TDRD3: variants seen among roughly 807,000 people sequenced by gnomAD.
TDRD3 encodes tudor domain-containing protein 3.
A neutral mutation model predicts 86.7 loss-of-function variants in TDRD3; 45 were observed. That is an observed-to-expected ratio of 0.52 (90% CI 0.41 to 0.67). The LOEUF (loss-of-function observed/expected upper bound fraction) is 0.67, where lower values mean the gene tolerates loss of function less well. Ranked by LOEUF, TDRD3 falls within the 30% of genes least tolerant of loss-of-function variation. TDRD3 has a pLI of 0.00. For synonymous variants in TDRD3, 298 were observed against 301.7 expected (o/e 0.99, Z 0.13); for missense variants, 814 against 889.0 (o/e 0.92, Z 1.07).
intron 12 of TDRD3, among the ~76,000 whole-genome samples, chr13:60,559,902 T>C (rs9538745): frequency 0.42 from 63,725 of 151,684 alleles, 13,936 homozygotes; most frequent in South Asian, 0.54. Context: ...TCCACAAAAA[T>C]GGAGAAAGAA....
chr13:60,464,573 C>G (rs1356075378), intron 4 of TDRD3, among the ~76,000 whole-genome samples: 1 of 148,248 alleles, frequency 6.7e-6, no homozygotes, highest in Non-Finnish European at 1.5e-5. Context: ...TATACACATA[C>G]ACACACACAC....
intron 8 of TDRD3, among the ~76,000 whole-genome samples, chr13:60,506,683 G>A (rs933157079): frequency 6.6e-6 from 1 of 152,136 alleles, no homozygotes; most frequent in Admixed American, 6.5e-5. Flanking sequence ...CTGGAACCTG[G>A]GAGGCGGAGT....
chr13:60,521,352 C>G (rs976077624), intron 10 of TDRD3, among the ~76,000 whole-genome samples: 4 of 152,022 alleles, frequency 2.6e-5, no homozygotes, highest in Non-Finnish European at 5.9e-5. Flanking sequence ...TGAGTGCCAC[C>G]TATTTGCCTG....
intron 1 of TDRD3, among the ~76,000 whole-genome samples, chr13:60,412,802 C>G (rs561825357): frequency 9.9e-5 from 15 of 152,080 alleles, no homozygotes; most frequent in Middle Eastern, 3.4e-3. Context: ...TTTACCTTAT[C>G]GCAGTAGCTT....
At chr13:60,509,597 T>C (rs1202420351) in intron 8 of TDRD3, 166 bp from the exon 9 acceptor site, 8 of 826,498 alleles carry the variant, frequency 9.7e-6, no homozygotes, top group Non-Finnish European at 1.5e-5. Flanking sequence ...TCATACAGAT[T>C]CTTCCTTGCC....
At chr13:60,515,648 C>T (rs576355356) in intron 10 of TDRD3, among the ~76,000 whole-genome samples, 1 of 152,306 alleles carries the variant, frequency 6.6e-6, no homozygotes, top group East Asian at 1.9e-4. Context: ...TTGACCTGCT[C>T]ACACTACTCA....
At chr13:60,538,016 T>C (rs1957735106) in intron 12 of TDRD3, 1 of 152,022 alleles carries the variant, frequency 6.6e-6, no homozygotes, top group Admixed American at 6.6e-5. Context: ...GCATGATATA[T>C]GAAGTGACTC....
At chr13:60,441,642 G>T (rs1043734259) in intron 2 of TDRD3, among the ~76,000 whole-genome samples, 2 of 152,076 alleles carry the variant, frequency 1.3e-5, no homozygotes, top group Non-Finnish European at 2.9e-5. Flanking sequence ...ACCACGAGTT[G>T]AGAAAGACGT....
intron 3 of TDRD3, among the ~76,000 whole-genome samples, chr13:60,446,295 T>C (rs886783815): frequency 6.6e-6 from 1 of 152,148 alleles, no homozygotes; most frequent in African/African-American, 2.4e-5. Context: ...TGATCTCAGC[T>C]CACTGCAACC....
intron 12 of TDRD3, among the ~76,000 whole-genome samples, chr13:60,549,789 AT>A (rs924522686): frequency 6.6e-6 from 1 of 151,970 alleles, no homozygotes; most frequent in Non-Finnish European, 1.5e-5. Context: ...ATGAAAAGCA[AT>A]TTTTCTAACA....
chr13:60,569,219 T>C (rs983373025), intron 13 of TDRD3, among the ~76,000 whole-genome samples: 2 of 152,168 alleles, frequency 1.3e-5, no homozygotes, highest in African/African-American at 4.8e-5. Flanking sequence ...TCTGCCTGCC[T>C]CAGCCTCCCA....
At chr13:60,520,270 G>A (rs1331466190) in intron 10 of TDRD3, among the ~76,000 whole-genome samples, 1 of 152,060 alleles carries the variant, frequency 6.6e-6, no homozygotes, top group African/African-American at 2.4e-5. Flanking sequence ...GTTAATTCTT[G>A]TGATCATTTT....
chr13:60,486,650 A>G (rs559674981), intron 7 of TDRD3, among the ~76,000 whole-genome samples: 13 of 152,326 alleles, frequency 8.5e-5, no homozygotes, highest in South Asian at 2.1e-4. Flanking sequence ...ATTTTGAAAT[A>G]TACAATAAAT....
At chr13:60,399,017 C>G (rs538004235) in intron 1 of TDRD3, among the ~76,000 whole-genome samples, 1 of 152,172 alleles carries the variant, frequency 6.6e-6, no homozygotes, top group African/African-American at 2.4e-5. Context: ...CATGACCCCC[C>G]CTCCTTTGGA....
intron 12 of TDRD3, among the ~76,000 whole-genome samples, chr13:60,565,952 T>G (rs1461650146): frequency 6.6e-6 from 1 of 152,206 alleles, no homozygotes; most frequent in Non-Finnish European, 1.5e-5. Context: ...TGAGATTGAT[T>G]GTTAATGAAA....
chr13:60,547,589 A>G (rs1266745593), intron 12 of TDRD3: 2 of 168,214 alleles, frequency 1.2e-5, no homozygotes, highest in Admixed American at 6.5e-5. Context: ...CCCAAGAGCT[A>G]TAGAAATATA....
chr13:60,458,154 T>A (rs1374490947), intron 3 of TDRD3, among the ~76,000 whole-genome samples: 1 of 152,180 alleles, frequency 6.6e-6, no homozygotes, highest in African/African-American at 2.4e-5. Context: ...CTCCTTATCC[T>A]TCATTCCCCA....
rs1342399685 is a variant in TDRD3, at chr13:60,467,331, T to C, written c.447T>C (p.Val149=). 4 of 1,613,808 alleles carry C rather than the reference T, an allele frequency of 2.5e-6. No individual in the cohort carries two copies. In the African/African-American group the frequency reaches 5.3e-5, roughly 22 times the overall value. The change falls in exon 5 of 14, where the codon GTT becomes GTC. Residue 149 remains valine, a synonymous_variant. Coordinates refer to ENST00000377881, the MANE Select transcript of TDRD3 (RefSeq NM_001146070.2). ...TCTTGAATGACTCTAACACCACAGT[T>C]CTTGGTGGTGAAGTGGAACACCTTA... ...FLLLNDSNTT[V]LGGEVEHLIE...
intron 1 of TDRD3, among the ~76,000 whole-genome samples, chr13:60,424,257 G>A (rs977746956): frequency 7.2e-5 from 11 of 151,976 alleles, no homozygotes; most frequent in Non-Finnish European, 1.5e-4. Context: ...TCCTGACCTC[G>A]TGATCCACCC....
Sources: allele counts gnomAD v4.1 joint callset (sites outside exome capture counted in the v4.1 genomes callset), GRCh38; gene constraint gnomAD v4.1.1; transcripts MANE v1.5; gene names NCBI Gene and HGNC (gene_info 2026-07-23, HGNC 2026-07-21).